XYLT1: variants seen among roughly 807,000 people sequenced by gnomAD.
The protein encoded by XYLT1 is xylosyltransferase 1.
Under a neutral mutation model 91.3 loss-of-function variants are expected in XYLT1, and 36 were observed. The observed-to-expected ratio is 0.39, with a 90% CI of 0.30 to 0.52. The LOEUF is 0.52. Ranked by LOEUF, XYLT1 falls within the 20% of genes least tolerant of loss-of-function variation. The pLI is 0.68. For missense variants in XYLT1, 1,242 were observed against 1,284.5 expected, an observed-to-expected ratio of 0.97 and a Z score of 0.51; for synonymous variants, 588 against 532.0, an observed-to-expected ratio of 1.11 and a Z score of -1.45.
chr16:17,215,200 A>G (rs1303139289), intron 3 of XYLT1, among the ~76,000 whole-genome samples: 2 of 152,186 alleles, frequency 1.3e-5, no homozygotes, highest in Non-Finnish European at 2.9e-5. Flanking sequence ...TATTAAAAAT[A>G]CAAAAATTAG....
At chr16:17,232,171 TTATACAATA>T (rs1431715473) in intron 3 of XYLT1, among the ~76,000 whole-genome samples, 3 of 144,202 alleles carry the variant, frequency 2.1e-5, no homozygotes, top group South Asian at 4.2e-4. Context: ...ATATAATATA[TTATACAATA>T]TATACTATAT....
chr16:17,286,747 G>A (rs2034146238), intron 2 of XYLT1, among the ~76,000 whole-genome samples: 1 of 152,172 alleles, frequency 6.6e-6, no homozygotes, highest in South Asian at 2.1e-4. Flanking sequence ...TTGAACCCAG[G>A]TAATCTGCCA....
At position 17,138,509 on chromosome 16, in the gene XYLT1, TCCAGGACCGTATGGAA is replaced by T. The variant is rs769066763; in HGVS notation, c.1594_1609del (p.Phe532ArgfsTer68). 1 of 1,613,668 alleles carries T rather than the reference TCCAGGACCGTATGGAA, an allele frequency of 6.2e-7. No individual in the cohort carries two copies. The highest frequency in any genetic ancestry group is 1.1e-5 in the South Asian group (1 of 91,062). Reference sequence around the variant, plus strand: ...CATGGTGTCGCAGTGGGGGCTGTTCTCCAGGACCGTATGGAAGAAGGACTGCAGGGGAGAGAGGGAC... The same window carrying T: ...CATGGTGTCGCAGTGGGGGCTGTTCTGAAGGACTGCAGGGGAGAGAGGGAC... On this transcript the variant is annotated frameshift_variant, in exon 8 of 12. Coordinates refer to ENST00000261381, the MANE Select transcript of XYLT1 (RefSeq NM_022166.4). LOFTEE classifies it high-confidence loss of function.
intron 1 of XYLT1, among the ~76,000 whole-genome samples, chr16:17,466,225 T>C (rs2036895035): frequency 6.6e-6 from 1 of 152,168 alleles, no homozygotes; most frequent in Non-Finnish European, 1.5e-5. Context: ...AGATCATAAG[T>C]GGCAGCTCTT....
At chr16:17,219,071 C>T (rs905986493) in intron 3 of XYLT1, among the ~76,000 whole-genome samples, 1 of 151,936 alleles carries the variant, frequency 6.6e-6, no homozygotes, top group Non-Finnish European at 1.5e-5. Context: ...CACCTGAGGT[C>T]AAGAGTTCAA....
chr16:17,380,506 A>G (rs909230109), intron 1 of XYLT1, among the ~76,000 whole-genome samples: 8 of 152,164 alleles, frequency 5.3e-5, no homozygotes, highest in Admixed American at 2.6e-4. Flanking sequence ...TCATGGGGGA[A>G]TTTTGTTATC....
At chr16:17,344,382 A>C (rs1314266119) in intron 2 of XYLT1, among the ~76,000 whole-genome samples, 1 of 150,686 alleles carries the variant, frequency 6.6e-6, no homozygotes, top group Admixed American at 6.6e-5. Context: ...AGTCCCAGCT[A>C]CTCAGGAGGC....
intron 6 of XYLT1, among the ~76,000 whole-genome samples, chr16:17,152,717 A>G (rs920812364): frequency 1.3e-5 from 2 of 152,218 alleles, no homozygotes; most frequent in Non-Finnish European, 2.9e-5. Context: ...CCCGGCCTCC[A>G]ATAGGAGAAT....
At chr16:17,153,326 C>G (rs934769704) in intron 6 of XYLT1, among the ~76,000 whole-genome samples, 5 of 152,154 alleles carry the variant, frequency 3.3e-5, no homozygotes, top group Non-Finnish European at 5.9e-5. Flanking sequence ...AGAGTTGGCC[C>G]GTGAATCTTG....
Position 17,103,437 on chromosome 16 carries a change from A to G in XYLT1, c.*5258T>C, listed in dbSNP as rs1357607958. The G allele has an allele frequency of 3.3e-5, 5 of 152,208 alleles. No individual in the cohort carries two copies. The highest frequency in any genetic ancestry group is 1.2e-4 in the African/African-American group (5 of 41,436). The allele number at this position is 152,208 out of a possible 1,614,324, so 9.4% of individuals were successfully genotyped here. A position where few individuals can be genotyped will look rare whatever the true frequency, so the allele number is the denominator to read the frequency against. On this transcript the variant is annotated 3_prime_UTR_variant, in exon 12 of 12. Coordinates refer to ENST00000261381, the MANE Select transcript of XYLT1 (RefSeq NM_022166.4). ...GACATTTGTAAGCAATTCCTATAGC[A>G]TCTGCCAACTACAGATTGGCAGCCC...
intron 3 of XYLT1, among the ~76,000 whole-genome samples, chr16:17,204,597 C>T (rs1000883550): frequency 2.0e-5 from 3 of 152,110 alleles, no homozygotes; most frequent in African/African-American, 7.2e-5. Context: ...AAAGATCAAC[C>T]ATTTACTGAG....
At chr16:17,231,876 G>A (rs780022068) in intron 3 of XYLT1, among the ~76,000 whole-genome samples, 34 of 152,036 alleles carry the variant, frequency 2.2e-4, no homozygotes, top group Non-Finnish European at 4.0e-4. Flanking sequence ...GGGTGAATAT[G>A]AAGGTGTAGG....
chr16:17,293,880 G>T (rs1021656696), intron 2 of XYLT1, among the ~76,000 whole-genome samples: 6 of 152,174 alleles, frequency 3.9e-5, no homozygotes, highest in African/African-American at 1.2e-4. Context: ...AACCCTGGAC[G>T]CATCTTGGGG....
chr16:17,264,102 G>A (rs974876621), intron 2 of XYLT1, among the ~76,000 whole-genome samples: 2 of 152,158 alleles, frequency 1.3e-5, no homozygotes, highest in African/African-American at 4.8e-5. Flanking sequence ...ACAGCAAATT[G>A]TTGTATATTG....
chr16:17,391,938 C>T (rs1203300428), intron 1 of XYLT1, among the ~76,000 whole-genome samples: 1 of 152,186 alleles, frequency 6.6e-6, no homozygotes, highest in Non-Finnish European at 1.5e-5. Context: ...ATTTGCCTTC[C>T]GTCATGACTG....
At chr16:17,295,576 G>A (rs561218198) in intron 2 of XYLT1, among the ~76,000 whole-genome samples, 2 of 152,212 alleles carry the variant, frequency 1.3e-5, no homozygotes, top group South Asian at 2.1e-4. Flanking sequence ...GGCTGGTCTC[G>A]AACTCCTGAC....
At chr16:17,253,548 T>C (rs890194711) in intron 3 of XYLT1, among the ~76,000 whole-genome samples, 1 of 152,104 alleles carries the variant, frequency 6.6e-6, no homozygotes, top group Non-Finnish European at 1.5e-5. Context: ...AGGGATGCAA[T>C]GTACATTAGC....
chr16:17,435,822 G>A (rs1018138796), intron 1 of XYLT1, among the ~76,000 whole-genome samples: 1 of 152,172 alleles, frequency 6.6e-6, no homozygotes, highest in Admixed American at 6.5e-5. Context: ...TAGATGTTGT[G>A]CAGTTACTGA....
intron 2 of XYLT1, among the ~76,000 whole-genome samples, chr16:17,327,602 T>TCCCCCCCCCCC (rs11274342): frequency 9.3e-6 from 1 of 107,044 alleles, no homozygotes; most frequent in African/African-American, 3.6e-5. Context: ...GACCTCGTGA[T>TCCCCCCCCCCC]CCCGCCCCCC....
Sources: allele counts gnomAD v4.1 joint callset (sites outside exome capture counted in the v4.1 genomes callset), GRCh38; gene constraint gnomAD v4.1.1; transcripts MANE v1.5; gene names NCBI Gene and HGNC (gene_info 2026-07-23, HGNC 2026-07-21).